Variants in SERF1B observed in about 807,000 individuals in gnomAD.
SERF1B encodes small EDRK-rich factor 1.
At chr5:70,028,971 C>T (rs2112439745) in intron 2 of SERF1B, among the ~76,000 whole-genome samples, 1 of 151,182 alleles carries the variant, frequency 6.6e-6, no homozygotes, top group East Asian at 1.9e-4. Context: ...AGCGAGACTC[C>T]GTCAAAAAAA....
chr5:70,029,893 C>T (rs1774129466), intron 2 of SERF1B: 2 of 380,742 alleles, frequency 5.3e-6, no homozygotes, highest in African/African-American at 5.6e-5. Flanking sequence ...ACTACAAGGG[C>T]ACACCACCAA....
chr5:70,029,522 TTACATAGATA>T (rs1418878361), intron 2 of SERF1B, among the ~76,000 whole-genome samples: 1 of 148,898 alleles, frequency 6.7e-6, no homozygotes, highest in African/African-American at 2.5e-5. Flanking sequence ...TGCAGGTTTG[TTACATAGATA>T]TACATGTGCC....
chr5:70,037,975 A>C lies in SERF1B; in HGVS notation c.117-3549A>C, dbSNP rs1205409846. ...GACTCTGTCTCAAAAAAAAAACAAA[A>C]AAAAAAACATACAAACCGAATTTCC... On this transcript the variant is annotated intron_variant, in intron 2 of 2. Coordinates refer to ENST00000380750, the MANE Select transcript of SERF1B (RefSeq NM_022978.3). Among the ~76,000 whole-genome samples the C allele has an allele frequency of 5.9e-4, 68 of 114,748 alleles. 12 individuals are homozygous for C. The highest frequency in any genetic ancestry group is 8.7e-4 in the Non-Finnish European group (52 of 59,480). 75.3% of individuals were successfully genotyped at this position (114,748 alleles called of 152,430 possible).
intron 2 of SERF1B, among the ~76,000 whole-genome samples, chr5:70,036,424 C>CA (rs1322445178): frequency 3.0e-3 from 247 of 82,004 alleles, no homozygotes; most frequent in African/African-American, 7.0e-3. Context: ...TCATCTCTAC[C>CA]AAAAAAAAAA....
At chr5:70,036,295 T>A (rs1489057754) in intron 2 of SERF1B, among the ~76,000 whole-genome samples, 5 of 43,672 alleles carry the variant, frequency 1.1e-4, no homozygotes, top group African/African-American at 6.4e-4. Context: ...ACTTAAAAAA[T>A]TTTTATATAG....
intron 2 of SERF1B, among the ~76,000 whole-genome samples, chr5:70,029,018 C>T (rs1355399532): frequency 5.6e-4 from 85 of 152,062 alleles, no homozygotes; most frequent in Non-Finnish European, 1.0e-3. Context: ...ATGATCAAAT[C>T]GGGGTAATTG....
chr5:70,036,559 C>T (rs1294618807), intron 2 of SERF1B, among the ~76,000 whole-genome samples: 2 of 122,350 alleles, frequency 1.6e-5, no homozygotes, highest in African/African-American at 3.9e-5. Context: ...TGCCCTCCAC[C>T]CTGGGTGATA....
At chr5:70,029,026 T>A (rs1210277734) in intron 2 of SERF1B, among the ~76,000 whole-genome samples, 7 of 152,008 alleles carry the variant, frequency 4.6e-5, no homozygotes, top group Non-Finnish European at 7.4e-5. Context: ...ATCGGGGTAA[T>A]TGGGATATCT....
chr5:70,029,444 CTT>C (rs61013564), intron 2 of SERF1B, among the ~76,000 whole-genome samples: 13 of 122,324 alleles, frequency 1.1e-4, no homozygotes, highest in African/African-American at 2.9e-4. Flanking sequence ...CCAGTTATAC[CTT>C]TTTTTTTTTT....
At chr5:70,029,491 C>T in intron 2 of SERF1B, among the ~76,000 whole-genome samples, 1 of 137,352 alleles carries the variant, frequency 7.3e-6, no homozygotes, top group Non-Finnish European at 1.6e-5. Context: ...GCTTTAAGTT[C>T]TAGGGTATAT....
intron 2 of SERF1B, among the ~76,000 whole-genome samples, chr5:70,036,619 ACACACACACACTCTCT>A (rs1467039527): frequency 2.4e-5 from 3 of 124,588 alleles, no homozygotes; most frequent in African/African-American, 9.9e-5. Context: ...ACACACACAC[ACACACACACACTCTCT>A]CTCTCTCTCT....
In SERF1B at chr5:70,041,924, C is replaced by CTTTT; in HGVS notation, c.*198_*201dup. On this transcript the variant is annotated 3_prime_UTR_variant, in exon 3 of 3. Coordinates refer to ENST00000380750, the MANE Select transcript of SERF1B (RefSeq NM_022978.3). ...TAGGAAACTTAGATGTAACTTAGCA[C>CTTTT]TTTTTTTTTTTTTTTTTGAGATGGA... The CTTTT allele has an allele frequency of 3.7e-6, 2 of 537,482 alleles. No individual in the cohort carries two copies. Among genetic ancestry groups the CTTTT allele is most frequent in the East Asian group, 3.1e-5 (1 of 31,762 alleles). The allele number at this position is 537,482 out of a possible 1,614,324, so 33.3% of individuals were successfully genotyped here.
chr5:70,036,542 G>A (rs1307461163), intron 2 of SERF1B, among the ~76,000 whole-genome samples: 2 of 121,774 alleles, frequency 1.6e-5, no homozygotes, highest in East Asian at 4.7e-4. Context: ...AGCCGAGATT[G>A]CACCACTGCC....
chr5:70,036,594 T>TACACACACACACACACAC (rs1212936359), intron 2 of SERF1B, among the ~76,000 whole-genome samples: 3 of 106,444 alleles, frequency 2.8e-5, no homozygotes, highest in African/African-American at 1.5e-4. Flanking sequence ...TCTCAAAACA[T>TACACACACACACACACAC]ACACACACAC....
At position 70,042,310 on chromosome 5, in the gene SERF1B, C is replaced by CA. The variant is rs1210096777; in HGVS notation, c.*570_*571insA. The CA allele has an allele frequency of 1.1e-4, 4 of 35,646 alleles. No homozygotes were observed. The highest frequency in any genetic ancestry group is 4.9e-4 in the African/African-American group (4 of 8,136). 2.2% of individuals were successfully genotyped at this position (35,646 alleles called of 1,614,324 possible). ...TTCACCATGTTGGCCAGGCTGGTCT[C>CA]CATCTCCTGACCTCGTGATTCACCC... On this transcript the variant is annotated 3_prime_UTR_variant, in exon 3 of 3. Coordinates refer to ENST00000380750, the MANE Select transcript of SERF1B (RefSeq NM_022978.3).
At chr5:70,028,318 GC>G (rs1266443873) in intron 2 of SERF1B, among the ~76,000 whole-genome samples, 7 of 128,210 alleles carry the variant, frequency 5.5e-5, no homozygotes, top group African/African-American at 2.1e-4. Flanking sequence ...ACTTTGGGAG[GC>G]CCAGGCGGGC....
chr5:70,041,115 TTTTG>T (rs1459148348), intron 2 of SERF1B, among the ~76,000 whole-genome samples: 1 of 147,672 alleles, frequency 6.8e-6, no homozygotes, highest in African/African-American at 2.5e-5. Flanking sequence ...TTTTTGTTGT[TTTTG>T]TTTTAGTTTG....
intron 2 of SERF1B, among the ~76,000 whole-genome samples, chr5:70,038,501 TCGG>T (rs1774232200): frequency 2.0e-5 from 1 of 49,586 alleles, no homozygotes; most frequent in Admixed American, 2.1e-4. Flanking sequence ...TCCCAGCTAC[TCGG>T]GAGGCTGAGG....
chr5:70,036,594 T>TACACACACACACACACACAC (rs1212936359), intron 2 of SERF1B, among the ~76,000 whole-genome samples: 2 of 106,410 alleles, frequency 1.9e-5, no homozygotes, highest in Admixed American at 8.9e-5. Context: ...TCTCAAAACA[T>TACACACACACACACACACAC]ACACACACAC....
Sources: allele counts gnomAD v4.1 joint callset (sites outside exome capture counted in the v4.1 genomes callset), GRCh38; gene constraint gnomAD v4.1.1; transcripts MANE v1.5; gene names NCBI Gene and HGNC (gene_info 2026-07-23, HGNC 2026-07-21).